The following ATG14 variants were observed in gnomAD, a reference collection of about 807,000 sequenced individuals.
ATG14 encodes beclin 1-associated autophagy-related key regulator.
Under a neutral mutation model 60.4 loss-of-function variants are expected in ATG14, and 35 were observed. That is an observed-to-expected ratio of 0.58 (90% confidence interval 0.44 to 0.77). The LOEUF is 0.77. ATG14 is among the 30% of genes least tolerant of loss of function. The pLI is 0.00. For synonymous variants in ATG14, 234 were observed against 228.8 expected, an observed-to-expected ratio of 1.02 and a Z score of -0.21; for missense variants, 647 against 626.3, an observed-to-expected ratio of 1.03 and a Z score of -0.35.
intron 6 of ATG14, among the ~76,000 whole-genome samples, chr14:55,381,700 A>T (rs1031956369): frequency 1.3e-5 from 2 of 152,258 alleles, no homozygotes; most frequent in East Asian, 3.8e-4. Flanking sequence ...AGAACAGGCA[A>T]ATCTATAGAC....
At chr14:55,376,236 CAAGTA>C (rs1324671163) in intron 9 of ATG14, among the ~76,000 whole-genome samples, 3 of 152,158 alleles carry the variant, frequency 2.0e-5, no homozygotes, top group Non-Finnish European at 4.4e-5. Context: ...ATATCCAAGG[CAAGTA>C]AAGTGGTTGG....
intron 1 of ATG14, among the ~76,000 whole-genome samples, chr14:55,411,166 C>T (rs1415668901): frequency 6.6e-6 from 1 of 152,186 alleles, no homozygotes; most frequent in East Asian, 1.9e-4. Context: ...GCCCAAATCC[C>T]TCTAAAGCAG....
At chr14:55,391,987 C>T (rs1885225960) in intron 3 of ATG14, among the ~76,000 whole-genome samples, 1 of 152,136 alleles carries the variant, frequency 6.6e-6, no homozygotes, top group Non-Finnish European at 1.5e-5. Flanking sequence ...GTTCAGCACC[C>T]CCTAAAGCAG....
chr14:55,369,525 G>C lies in ATG14; in HGVS notation c.*94C>G. 10 of 1,199,258 alleles carry C rather than the reference G, an allele frequency of 8.3e-6. No homozygotes were observed. The highest frequency in any genetic ancestry group is 1.1e-5 in the Non-Finnish European group (10 of 879,608). 74.3% of individuals were successfully genotyped at this position (1,199,258 alleles called of 1,614,324 possible). ...ACAACACTTTAACCTCTTTGTTCCA[G>C]ACACTATCTTAACTTAAACAGAAAA... On this transcript the variant is annotated 3_prime_UTR_variant, in exon 10 of 10. Coordinates refer to ENST00000247178, the MANE Select transcript of ATG14 (RefSeq NM_014924.5).
intron 1 of ATG14, among the ~76,000 whole-genome samples, chr14:55,408,265 C>T (rs1322103753): frequency 6.6e-6 from 1 of 151,852 alleles, no homozygotes; most frequent in Non-Finnish European, 1.5e-5. Context: ...CCAGCCTGGG[C>T]AACATGGCAA....
chr14:55,380,509 A>G, intron 7 of ATG14, 64 bp downstream of exon 7: 1 of 1,113,260 alleles, frequency 9.0e-7, no homozygotes, highest in Non-Finnish European at 1.3e-6. Context: ...TGGAATAAAT[A>G]AAGACAAAAT....
intron 3 of ATG14, 141 bp downstream of exon 3, chr14:55,395,799 T>G: frequency 1.0e-5 from 5 of 477,698 alleles, no homozygotes; most frequent in Non-Finnish European, 1.7e-5. Context: ...ATGAAATATT[T>G]GAGAAAGCCA....
intron 6 of ATG14, among the ~76,000 whole-genome samples, 187 bp from the exon 7 acceptor site, chr14:55,380,877 T>TATATATATA (rs60511037): frequency 1.6e-4 from 7 of 43,678 alleles, no homozygotes; most frequent in African/African-American, 1.2e-3. Flanking sequence ...ATATATATAT[T>TATATATATA]TTTTTTTTTT....
At chr14:55,382,876 T>G (rs1233912982) in intron 5 of ATG14, among the ~76,000 whole-genome samples, 2 of 152,142 alleles carry the variant, frequency 1.3e-5, no homozygotes, top group Non-Finnish European at 2.9e-5. Flanking sequence ...TGATACTGAA[T>G]TAGAAATACT....
rs777084059 is a variant in ATG14, at chr14:55,369,588, T to A, written c.*31A>T. 2 of 1,462,138 alleles carry A rather than the reference T, an allele frequency of 1.4e-6. No individual in the cohort carries two copies. Among genetic ancestry groups the A allele is most frequent in the African/African-American group, 2.8e-5 (2 of 71,146 alleles). The allele number at this position is 1,462,138 out of a possible 1,614,324, so 90.6% of individuals were successfully genotyped here. ...TGTAGTGGGAGAAGAACTTTCTTGA[T>A]GCAGATTTGGTATGTTTTGGTCCAT... On this transcript the variant is annotated 3_prime_UTR_variant, in exon 10 of 10. Coordinates refer to ENST00000247178, the MANE Select transcript of ATG14 (RefSeq NM_014924.5).
chr14:55,369,755 G>A lies in ATG14; in HGVS notation c.1343C>T (p.Ser448Phe). The A allele has an allele frequency of 1.2e-6, 2 of 1,614,190 alleles. No homozygotes were observed. The highest frequency in any genetic ancestry group is 1.7e-6 in the Non-Finnish European group (2 of 1,180,022). The change falls in exon 10 of 10, where the codon TCC (serine) becomes TTC (phenylalanine). Residue 448 changes from serine to phenylalanine, a missense_variant. Coordinates refer to ENST00000247178, the MANE Select transcript of ATG14 (RefSeq NM_014924.5). ...LPSPRFCDIP[S>F]QSVEVSQSQS... ...ACTCTGGGAGACTTCCACAGACTGG[G>A]AAGGGATATCACAAAACCGGGGACT...
chr14:55,395,955 C>T lies in ATG14; in HGVS notation c.312G>A (p.Trp104Ter). Residue 104 changes from tryptophan (W) to a stop codon, truncating the protein, a stop_gained, in exon 3 of 10, where the codon TGG (tryptophan) becomes TGA (stop). Transcript: ENST00000247178. LOFTEE classifies it high-confidence loss of function. ...KEVLKAMEGK[W>*]ITDQLRWKIM... ...TACAACTTACCAACTGATCTGTTAT[C>T]CATTTTCCTTCCATAGCTTTTAACA... 1 of 1,595,682 alleles carries T rather than the reference C, an allele frequency of 6.3e-7. No homozygotes were observed. Among genetic ancestry groups the T allele is most frequent in the Non-Finnish European group, 8.5e-7 (1 of 1,172,640 alleles).
intron 1 of ATG14, among the ~76,000 whole-genome samples, chr14:55,406,199 A>G (rs1885488462): frequency 6.6e-6 from 1 of 152,204 alleles, no homozygotes; most frequent in Admixed American, 6.5e-5. Flanking sequence ...ACTAAAACCT[A>G]GATATTCAGC....
chr14:55,406,292 G>T (rs1885489629), intron 1 of ATG14, among the ~76,000 whole-genome samples: 1 of 152,134 alleles, frequency 6.6e-6, no homozygotes, highest in Non-Finnish European at 1.5e-5. Flanking sequence ...GATCCATGCA[G>T]GCACAGACGG....
chr14:55,407,169 G>A (rs750056736), intron 1 of ATG14, among the ~76,000 whole-genome samples: 2 of 151,830 alleles, frequency 1.3e-5, no homozygotes, highest in African/African-American at 4.8e-5. Flanking sequence ...TCGCTCTCTC[G>A]CCAGGCTGGA....
At chr14:55,376,599 G>A (rs1293872039) in intron 9 of ATG14, among the ~76,000 whole-genome samples, 1 of 152,196 alleles carries the variant, frequency 6.6e-6, no homozygotes, top group Non-Finnish European at 1.5e-5. Flanking sequence ...ATGGTTAAAA[G>A]CAGATTATCA....
intron 5 of ATG14, among the ~76,000 whole-genome samples, chr14:55,382,682 G>A (rs1236047162): frequency 6.6e-6 from 1 of 152,166 alleles, no homozygotes; most frequent in African/African-American, 2.4e-5. Flanking sequence ...GTAGATAAGA[G>A]CTTGCTATCA....
Position 55,387,324 on chromosome 14 carries a change from T to C in ATG14, c.410-1228A>G, listed in dbSNP as rs1450510388. Among the ~76,000 whole-genome samples the C allele has an allele frequency of 3.3e-5, 5 of 152,218 alleles. No individual in the cohort carries two copies. The East Asian group carries it at 9.6e-4, about 29-fold the overall frequency. ...ATCCTTTCTGCAAGATGGAACCACT[T>C]GAACGTATGGATGGATGAATGCTGA... On this transcript the variant is annotated intron_variant, in intron 4 of 9. Coordinates refer to ENST00000247178, the MANE Select transcript of ATG14 (RefSeq NM_014924.5).
intron 5 of ATG14, among the ~76,000 whole-genome samples, chr14:55,385,412 C>T (rs1885107628): frequency 6.6e-6 from 1 of 152,222 alleles, no homozygotes; most frequent in Admixed American, 6.5e-5. Flanking sequence ...CCTGCCTCAG[C>T]CACCTGAGTA....
Sources: allele counts gnomAD v4.1 joint callset (sites outside exome capture counted in the v4.1 genomes callset), GRCh38; gene constraint gnomAD v4.1.1; transcripts MANE v1.5; gene names NCBI Gene and HGNC (gene_info 2026-07-23, HGNC 2026-07-21).